The following CALN1 variants were observed in gnomAD, a reference collection of about 807,000 sequenced individuals.
CALN1 encodes calcium-binding protein 8.
A neutral mutation model predicts 30.6 loss-of-function variants in CALN1; 17 were observed. The ratio of observed to expected loss-of-function variants is 0.56; its 90% confidence interval spans 0.38 to 0.83. The LOEUF (loss-of-function observed/expected upper bound fraction) is 0.83. Ranked by LOEUF, CALN1 falls within the 40% of genes least tolerant of loss-of-function variation. The pLI, the probability that CALN1 is intolerant of heterozygous loss-of-function variation, is 0.00. For missense variants in CALN1, 291 were observed against 354.9 expected, an observed-to-expected ratio of 0.82 and a Z score of 1.45; for synonymous variants, 156 against 131.4, an observed-to-expected ratio of 1.19 and a Z score of -1.28.
intron 5 of CALN1, among the ~76,000 whole-genome samples, chr7:71,904,933 ATTTC>A (rs58947232): frequency 6.6e-6 from 1 of 151,728 alleles, no homozygotes; most frequent in Admixed American, 6.6e-5. Context: ...TTTGTTCTTA[ATTTC>A]TTTATTTGAT....
rs187637250 is a variant in CALN1 at position 71,925,156 on chromosome 7, G to A, written c.501+98501C>T. Among the ~76,000 whole-genome samples, 744 of 152,184 alleles carry A rather than the reference G, an allele frequency of 4.9e-3. 16 individuals are homozygous for A. Among genetic ancestry groups the A allele is most frequent in the Middle Eastern group, 0.031 (9 of 294 alleles). Reference sequence around the variant, plus strand: ...CTCGGGAAGCTGAAGCAGGAGGATCGCTTGAACCTGGAAGGTGGAGGCTGC... The same window carrying A: ...CTCGGGAAGCTGAAGCAGGAGGATCACTTGAACCTGGAAGGTGGAGGCTGC... On this transcript the variant is annotated intron_variant, in intron 5 of 6. Transcript: ENST00000395275.
At chr7:71,849,246 T>G (rs1176518258) in intron 5 of CALN1, among the ~76,000 whole-genome samples, 1 of 152,194 alleles carries the variant, frequency 6.6e-6, no homozygotes, top group Non-Finnish European at 1.5e-5. Context: ...GTATTGAATA[T>G]CCCATCCTTA....
At chr7:71,954,729 G>C (rs892402750) in intron 5 of CALN1, among the ~76,000 whole-genome samples, 3 of 152,160 alleles carry the variant, frequency 2.0e-5, no homozygotes, top group African/African-American at 7.2e-5. Flanking sequence ...ACCTCCACTA[G>C]AGCTGTTTTG....
At chr7:71,981,731 C>T (rs750548110) in intron 5 of CALN1, among the ~76,000 whole-genome samples, 4 of 151,724 alleles carry the variant, frequency 2.6e-5, no homozygotes, top group Admixed American at 1.3e-4. Context: ...TAGCTGAACA[C>T]GTGGAAGTTC....
Position 72,052,298 on chromosome 7 carries a change from G to A in CALN1, c.389-28529C>T, listed in dbSNP as rs1044740351. Among the ~76,000 whole-genome samples, 7 of 152,286 alleles carry A rather than the reference G, an allele frequency of 4.6e-5. No homozygotes were observed. The South Asian group carries it at 6.2e-4, about 14-fold the overall frequency. On this transcript the variant is annotated intron_variant, in intron 4 of 6. Coordinates refer to ENST00000395275, the MANE Select transcript of CALN1 (RefSeq NM_031468.4). ...TAACAGCAAGAACTCCTGATCTGCC[G>A]TCCCGACAAGTCGCCTCCGGAGTGG... is the stretch of plus-strand genomic sequence containing the variant.
At chr7:71,936,427 C>T (rs568012382) in intron 5 of CALN1, among the ~76,000 whole-genome samples, 51 of 147,918 alleles carry the variant, frequency 3.4e-4, no homozygotes, top group Admixed American at 2.7e-3. Context: ...AAAAGATGAG[C>T]GTAGAGCCTT....
At chr7:71,979,483 G>A (rs1188667316) in intron 5 of CALN1, among the ~76,000 whole-genome samples, 1 of 152,088 alleles carries the variant, frequency 6.6e-6, no homozygotes, top group Non-Finnish European at 1.5e-5. Context: ...TCACAATAGG[G>A]TTTATGCTTC....
chr7:71,834,707 CA>C (rs1789507949), intron 5 of CALN1, among the ~76,000 whole-genome samples: 1 of 152,164 alleles, frequency 6.6e-6, no homozygotes, highest in South Asian at 2.1e-4. Context: ...AACAATCAGA[CA>C]GGATTCCAAG....
chr7:72,086,298 GTTA>G (rs1430313674), intron 4 of CALN1, among the ~76,000 whole-genome samples: 8 of 152,038 alleles, frequency 5.3e-5, no homozygotes, highest in African/African-American at 1.9e-4. Flanking sequence ...CTCGAAAATG[GTTA>G]TTATGTAATC....
At chr7:72,014,085 C>CTT (rs71092941) in intron 5 of CALN1, among the ~76,000 whole-genome samples, 55 of 123,382 alleles carry the variant, frequency 4.5e-4, no homozygotes, top group South Asian at 7.9e-4. Flanking sequence ...TGAGTTGGCT[C>CTT]TTTTTTTTTT....
Position 72,155,139 on chromosome 7 carries a change from A to G in CALN1, c.245-48845T>C, listed in dbSNP as rs373848518. 2.0e-3 allele frequency among the ~76,000 whole-genome samples: 300 copies of G among 152,318 alleles called. 2 individuals carry two copies. The highest frequency in any genetic ancestry group is 6.8e-3 in the Middle Eastern group (2 of 294). On this transcript the variant is annotated intron_variant, in intron 3 of 6. Coordinates refer to ENST00000395275, the MANE Select transcript of CALN1 (RefSeq NM_031468.4). ...TCTCACTTTCTCTCCCTGCATGCCC[A>G]GAGGGAAGGACATTTGAGGGCACAG... is the stretch of plus-strand genomic sequence containing the variant.
intron 2 of CALN1, among the ~76,000 whole-genome samples, chr7:72,301,586 C>T (rs542556349): frequency 2.0e-4 from 25 of 125,320 alleles, no homozygotes; most frequent in Non-Finnish European, 3.8e-4. Context: ...CCAGCCTGGG[C>T]GACAGAGCAA....
At chr7:72,382,091 A>G (rs1585623461) in intron 2 of CALN1, among the ~76,000 whole-genome samples, 1 of 152,224 alleles carries the variant, frequency 6.6e-6, no homozygotes, top group Admixed American at 6.5e-5. Flanking sequence ...ATGTACAAAC[A>G]AAACAAAAAT....
At chr7:71,811,212 T>A (rs1368995288) in intron 5 of CALN1, among the ~76,000 whole-genome samples, 1 of 151,544 alleles carries the variant, frequency 6.6e-6, no homozygotes, top group Non-Finnish European at 1.5e-5. Flanking sequence ...ATGTATCGTT[T>A]AAAAAAAAAT....
intron 3 of CALN1, among the ~76,000 whole-genome samples, chr7:72,220,352 C>T (rs1257003579): frequency 6.6e-6 from 1 of 151,958 alleles, no homozygotes; most frequent in Non-Finnish European, 1.5e-5. Context: ...TCACCCATGT[C>T]CCTACAAAGG....
chr7:72,194,101 T>C lies in CALN1; in HGVS notation c.244+84585A>G, dbSNP rs181751279. 5.6e-4 allele frequency among the ~76,000 whole-genome samples: 85 copies of C among 152,292 alleles called. 1 individual carries two copies. The highest frequency in any genetic ancestry group is 1.7e-3 in the African/African-American group (70 of 41,546). ...ACCCACCTGTTCCCCAAAAAATCTA[T>C]TGAAATAAATAAATACAAAGTATTA... is the stretch of plus-strand genomic sequence containing the variant. On this transcript the variant is annotated intron_variant, in intron 3 of 6. Coordinates refer to ENST00000395275, the MANE Select transcript of CALN1 (RefSeq NM_031468.4).
At chr7:71,845,124 T>A (rs917317938) in intron 5 of CALN1, among the ~76,000 whole-genome samples, 2 of 152,138 alleles carry the variant, frequency 1.3e-5, no homozygotes, top group Non-Finnish European at 2.9e-5. Context: ...CCTCAAGCGA[T>A]CCTCCTGCCT....
chr7:72,325,853 G>A (rs1225677295), intron 2 of CALN1, among the ~76,000 whole-genome samples: 1 of 152,088 alleles, frequency 6.6e-6, no homozygotes, highest in East Asian at 1.9e-4. Flanking sequence ...ACCTCGCAGA[G>A]ACCTCTCTGC....
In CALN1 at chr7:72,316,329, G is replaced by A. The variant is rs1451482045; in HGVS notation, c.120-37519C>T. ...ATTAGGGTGGTGCAAAAGTAATTACGGTTTTTGCCATTGAAAGTAACGGCA... is the reference window on the plus strand; with the variant it reads ...ATTAGGGTGGTGCAAAAGTAATTACAGTTTTTGCCATTGAAAGTAACGGCA... On this transcript the variant is annotated intron_variant, in intron 2 of 6. Coordinates refer to ENST00000395275, the MANE Select transcript of CALN1 (RefSeq NM_031468.4). 4.0e-5 allele frequency among the ~76,000 whole-genome samples: 6 copies of A among 148,826 alleles called. 1 individual carries two copies. Among genetic ancestry groups the A allele is most frequent in the Admixed American group, 1.3e-4 (2 of 14,978 alleles).
Sources: allele counts gnomAD v4.1 joint callset (sites outside exome capture counted in the v4.1 genomes callset), GRCh38; gene constraint gnomAD v4.1.1; transcripts MANE v1.5; gene names NCBI Gene and HGNC (gene_info 2026-07-23, HGNC 2026-07-21).